The following LTAP1 variants were observed in gnomAD, a reference collection of about 807,000 sequenced individuals.
The protein encoded by LTAP1 is lipid transport auxiliary protein 1.
the LTAP1 span, chr1:154,212,381 T>C: frequency 2.2e-5 from 35 of 1,613,916 alleles, no homozygotes; most frequent in Non-Finnish European, 2.9e-5. Context: ...CCAAAGACCT[T>C]AGGAAAGAGA....
the LTAP1 span, among the ~76,000 whole-genome samples, chr1:154,209,824 T>G: frequency 6.6e-6 from 1 of 152,006 alleles, no homozygotes; most frequent in Non-Finnish European, 1.5e-5. Flanking sequence ...TCTCCTGATT[T>G]CATGAACCGC....
chr1:154,209,871 T>C, the LTAP1 span, among the ~76,000 whole-genome samples: 6 of 151,990 alleles, frequency 3.9e-5, no homozygotes, highest in Non-Finnish European at 5.9e-5. Context: ...ATTACAGGCG[T>C]GAGCCACCAC....
At chr1:154,212,642 C>T in the LTAP1 span, 1 of 1,613,050 alleles carries the variant, frequency 6.2e-7, no homozygotes, top group African/African-American at 1.3e-5. Flanking sequence ...GAAAACAGCA[C>T]AATGATATCT....
chr1:154,213,727 T>C, the LTAP1 span, among the ~76,000 whole-genome samples: 1 of 152,224 alleles, frequency 6.6e-6, no homozygotes, highest in Non-Finnish European at 1.5e-5. Flanking sequence ...GCTTATATCA[T>C]TTCCTTCAGC....
chr1:154,207,292 C>T, the LTAP1 span: 1 of 655,750 alleles, frequency 1.5e-6, no homozygotes, highest in African/African-American at 1.8e-5. Flanking sequence ...TGGGGAATTA[C>T]CCTTTAGACA....
At chr1:154,211,046 A>AC in the LTAP1 span, among the ~76,000 whole-genome samples, 1 of 150,962 alleles carries the variant, frequency 6.6e-6, no homozygotes, top group Non-Finnish European at 1.5e-5. Flanking sequence ...TGCTCTTGTC[A>AC]CCCCAGCTGA....
At chr1:154,216,805 C>T in the LTAP1 span, among the ~76,000 whole-genome samples, 32 of 152,004 alleles carry the variant, frequency 2.1e-4, no homozygotes, top group Admixed American at 1.4e-3. Flanking sequence ...TGAACCACCG[C>T]GCCTGGCCCA....
chr1:154,217,856 G>C, the LTAP1 span, among the ~76,000 whole-genome samples: 1 of 152,060 alleles, frequency 6.6e-6, no homozygotes, highest in African/African-American at 2.4e-5. Context: ...TTTTCATTCA[G>C]AAGTATTTTG....
chr1:154,218,376 C>T, the LTAP1 span, among the ~76,000 whole-genome samples: 1 of 152,184 alleles, frequency 6.6e-6, no homozygotes, highest in Admixed American at 6.5e-5. Flanking sequence ...TTGCTCTGAA[C>T]TAGACCAAGG....
At chr1:154,219,752 G>T in the LTAP1 span, 1 of 990,920 alleles carries the variant, frequency 1.0e-6, no homozygotes, top group Non-Finnish European at 1.5e-6. Context: ...GAGAATTAAA[G>T]TCATCACTAA....
the LTAP1 span, among the ~76,000 whole-genome samples, chr1:154,217,522 T>C: frequency 6.6e-6 from 1 of 152,120 alleles, no homozygotes; most frequent in Non-Finnish European, 1.5e-5. Flanking sequence ...TTGGCTTTCT[T>C]CACTCAGCAT....
the LTAP1 span, among the ~76,000 whole-genome samples, chr1:154,214,842 CA>C: frequency 2.1e-5 from 3 of 144,184 alleles, no homozygotes; most frequent in South Asian, 2.4e-4. Flanking sequence ...ACATTATTTC[CA>C]ATTTTTTTTT....
At chr1:154,216,953 AT>A in the LTAP1 span, among the ~76,000 whole-genome samples, 185 of 142,852 alleles carry the variant, frequency 1.3e-3, no homozygotes, top group Non-Finnish European at 1.4e-3. Flanking sequence ...CTGGCCTTAA[AT>A]TTTTTTTTTT....
At chr1:154,213,567 A>G in the LTAP1 span, among the ~76,000 whole-genome samples, 1 of 152,244 alleles carries the variant, frequency 6.6e-6, no homozygotes, top group Non-Finnish European at 1.5e-5. Context: ...AAAATTCAAG[A>G]ACAATCTATC....
chr1:154,218,707 A>T, the LTAP1 span, among the ~76,000 whole-genome samples: 1 of 152,222 alleles, frequency 6.6e-6, no homozygotes, highest in Admixed American at 6.5e-5. Flanking sequence ...GAAATTACTG[A>T]GTACCTACTA....
chr1:154,209,250 C>A, the LTAP1 span, among the ~76,000 whole-genome samples: 1 of 152,028 alleles, frequency 6.6e-6, no homozygotes, highest in Admixed American at 6.6e-5. Flanking sequence ...CCCCTGCAAC[C>A]ATCATTCTAC....
chr1:154,219,861 A>G, the LTAP1 span: 1 of 1,612,814 alleles, frequency 6.2e-7, no homozygotes, highest in Non-Finnish European at 8.5e-7. Flanking sequence ...TCCCACAGGG[A>G]CATGAGGTCC....
chr1:154,216,869 G>A, the LTAP1 span, among the ~76,000 whole-genome samples: 52 of 151,230 alleles, frequency 3.4e-4, 1 homozygote, highest in Middle Eastern at 3.4e-3. Context: ...CGCTGGTCTC[G>A]AACTCCTGAG....
chr1:154,212,491 C>A, the LTAP1 span: 1 of 1,614,146 alleles, frequency 6.2e-7, no homozygotes, highest in Non-Finnish European at 8.5e-7. Context: ...CATAGCCATC[C>A]AAAAGGGTAT....
Sources: gnomAD v4.1 joint callset for allele counts (sites outside exome capture counted in the v4.1 genomes callset) on GRCh38, gnomAD v4.1.1 for gene constraint, MANE v1.5 for transcripts, NCBI Gene and HGNC (gene_info 2026-07-23, HGNC 2026-07-21) for gene names.